Variants in FIP1L1 observed in about 807,000 individuals in gnomAD.
The protein encoded by FIP1L1 is factor interacting with PAPOLA and CPSF1, also known as pre-mRNA 3'-end-processing factor FIP1.
In FIP1L1, 21 loss-of-function variants were observed where a neutral mutation model predicts 84.6. The observed-to-expected ratio is 0.25, with a 90% CI of 0.18 to 0.36. FIP1L1 has a LOEUF of 0.36. FIP1L1 is among the 10% of genes least tolerant of loss of function. FIP1L1 has a pLI of 1.00. For synonymous variants in FIP1L1, 263 were observed against 242.3 expected, an observed-to-expected ratio of 1.09 and a Z score of -0.80; for missense variants, 526 against 751.1, an observed-to-expected ratio of 0.70 and a Z score of 3.50.
chr4:53,423,828 CAATTT>C (rs1763329388), intron 11 of FIP1L1, among the ~76,000 whole-genome samples: 2 of 152,130 alleles, frequency 1.3e-5, no homozygotes, highest in South Asian at 4.2e-4. Context: ...TAAAAACAAT[CAATTT>C]AAAGTTGAAA....
At chr4:53,458,858 T>A in intron 17 of FIP1L1, 68 bp downstream of exon 17, 6 of 1,527,636 alleles carry the variant, frequency 3.9e-6, no homozygotes, top group Non-Finnish European at 5.3e-6. Context: ...ATTGTCGCAT[T>A]GGAAGAGGGG....
chr4:53,394,519 A>G (rs914716060), intron 9 of FIP1L1, among the ~76,000 whole-genome samples: 4 of 152,148 alleles, frequency 2.6e-5, no homozygotes, highest in Admixed American at 2.6e-4. Flanking sequence ...TACTTGGCTG[A>G]TGCAAATGTT....
At chr4:53,416,901 T>A (rs986588954) in intron 11 of FIP1L1, among the ~76,000 whole-genome samples, 22 of 151,938 alleles carry the variant, frequency 1.4e-4, no homozygotes, top group African/African-American at 5.3e-4. Flanking sequence ...GAGGTGGAGG[T>A]TGCATGACCC....
rs139542760 is a variant in FIP1L1, at chr4:53,377,659, C to G, written c.-180C>G. On this transcript the variant is annotated 5_prime_UTR_variant, in exon 1 of 18. Coordinates refer to ENST00000337488, the MANE Select transcript of FIP1L1 (RefSeq NM_030917.4). Reference sequence around the variant, plus strand: ...GTCTCCTGCGCATGCGCAGACGGACCTGCGCTGGAGGCTTCATCTTTGCCG... The same window carrying G: ...GTCTCCTGCGCATGCGCAGACGGACGTGCGCTGGAGGCTTCATCTTTGCCG... 423 of 541,008 alleles carry G rather than the reference C, an allele frequency of 7.8e-4. 1 individual carries two copies. Among genetic ancestry groups the G allele is most frequent in the Admixed American group, 1.5e-3 (42 of 28,132 alleles). 33.5% of individuals were successfully genotyped at this position (541,008 alleles called of 1,614,324 possible).
chr4:53,427,893 C>G, intron 12 of FIP1L1, 134 bp from the exon 13 acceptor site: 2 of 695,182 alleles, frequency 2.9e-6, no homozygotes, highest in Non-Finnish European at 4.7e-6. Context: ...AACTATTACT[C>G]TCCCCCCAAA....
rs141173684 is a variant in FIP1L1, at chr4:53,453,046, G to A, written c.1412G>A (p.Arg471Gln). The change falls in exon 16 of 18, where the codon CGA becomes CAA. Residue 471 changes from arginine (R) to glutamine (Q), a missense_variant. Arg to Gln is a conservative substitution (Grantham distance 43, BLOSUM62 1). This residue lies in a region of FIP1L1 where 89 missense variants were observed against 169.0 expected (regional missense o/e 0.53). Coordinates refer to ENST00000337488, the MANE Select transcript of FIP1L1 (RefSeq NM_030917.4). ...RDRERDRDRE[R>Q]DRDRDRERER... ...AGAGAGAGAGACAGAGACAGAGAGCGAGACCGTGATCGGGACAGAGAAAGA... is the reference window on the plus strand; with the variant it reads ...AGAGAGAGAGACAGAGACAGAGAGCAAGACCGTGATCGGGACAGAGAAAGA... 4.0e-5 allele frequency: 64 copies of A among 1,612,828 alleles called. No individual in the cohort carries two copies. Among genetic ancestry groups the A allele is most frequent in the Non-Finnish European group, 5.3e-5 (63 of 1,178,942 alleles).
chr4:53,426,835 G>A (rs1335944517), intron 12 of FIP1L1, among the ~76,000 whole-genome samples: 1 of 152,034 alleles, frequency 6.6e-6, no homozygotes, highest in Non-Finnish European at 1.5e-5. Flanking sequence ...TTGTTTTTAG[G>A]TGAAAAATTG....
chr4:53,445,271 G>T (rs1579076003), intron 15 of FIP1L1, among the ~76,000 whole-genome samples: 2 of 152,266 alleles, frequency 1.3e-5, no homozygotes, highest in East Asian at 3.9e-4. Flanking sequence ...CGATGAGGAA[G>T]TTTTGAATTT....
At chr4:53,429,762 A>C (rs1192079140) in intron 13 of FIP1L1, among the ~76,000 whole-genome samples, 2 of 152,210 alleles carry the variant, frequency 1.3e-5, no homozygotes, top group Non-Finnish European at 2.9e-5. Flanking sequence ...TAGTAAATCA[A>C]GTTAATATAT....
At chr4:53,422,049 C>T (rs529119126) in intron 11 of FIP1L1, among the ~76,000 whole-genome samples, 1 of 152,164 alleles carries the variant, frequency 6.6e-6, no homozygotes, top group Non-Finnish European at 1.5e-5. Flanking sequence ...TTGTGCTTCA[C>T]TCAGCATTAA....
intron 13 of FIP1L1, among the ~76,000 whole-genome samples, chr4:53,430,588 C>T (rs573924221): frequency 2.6e-5 from 4 of 152,070 alleles, no homozygotes; most frequent in South Asian, 2.1e-4. Flanking sequence ...CTGCCCTCCT[C>T]GGCCTCCCAA....
chr4:53,442,202 G>A (rs1772245239), intron 13 of FIP1L1: 1 of 154,952 alleles, frequency 6.5e-6, no homozygotes, highest in Non-Finnish European at 1.4e-5. Flanking sequence ...TTACTGGTAA[G>A]ATTTTATTTA....
chr4:53,391,284 T>C (rs1744131950), intron 8 of FIP1L1, 145 bp downstream of exon 8: 1 of 1,192,910 alleles, frequency 8.4e-7, no homozygotes, highest in African/African-American at 1.5e-5. Context: ...GTTTTTCCCT[T>C]CCCTCCCTTT....
rs377693210 is a variant in FIP1L1 at position 53,426,017 on chromosome 4, A to G, written c.1017+52A>G. 77 of 1,251,624 alleles carry G rather than the reference A, an allele frequency of 6.2e-5. No individual in the cohort carries two copies. The East Asian group carries it at 1.9e-3, about 30-fold the overall frequency. The allele number at this position is 1,251,624 out of a possible 1,614,324, so 77.5% of individuals were successfully genotyped here. ...TCTTTAACTGAAGGATGATATCAAC[A>G]TTATAATTTAATTTATTCAATAGAT... On this transcript the variant is annotated intron_variant, in intron 12 of 17. Transcript: ENST00000337488.
intron 10 of FIP1L1, among the ~76,000 whole-genome samples, chr4:53,411,287 G>A (rs949294179): frequency 5.3e-5 from 8 of 152,086 alleles, no homozygotes; most frequent in Admixed American, 3.9e-4. Context: ...GGAAAAATTA[G>A]CAGGGCTATC....
intron 14 of FIP1L1, 60 bp downstream of exon 14, chr4:53,442,767 T>C: frequency 1.1e-6 from 1 of 913,256 alleles, no homozygotes; most frequent in Non-Finnish European, 1.7e-6. Flanking sequence ...AAGAACCATA[T>C]ACTTGGAAAT....
At chr4:53,427,164 A>T (rs1764665119) in intron 12 of FIP1L1, among the ~76,000 whole-genome samples, 1 of 152,326 alleles carries the variant, frequency 6.6e-6, no homozygotes, top group South Asian at 2.1e-4. Context: ...CCCTACAAAA[A>T]ACACTGCACT....
At chr4:53,436,286 C>G (rs1183718848) in intron 13 of FIP1L1, among the ~76,000 whole-genome samples, 1 of 152,172 alleles carries the variant, frequency 6.6e-6, no homozygotes, top group Non-Finnish European at 1.5e-5. Flanking sequence ...TAAGGTCTCT[C>G]TCAGACCTCA....
At chr4:53,416,797 C>G (rs1759700909) in intron 11 of FIP1L1, among the ~76,000 whole-genome samples, 1 of 151,998 alleles carries the variant, frequency 6.6e-6, no homozygotes, top group Non-Finnish European at 1.5e-5. Flanking sequence ...AACCCTGTCT[C>G]TACTAAAAAT....
Sources: gnomAD v4.1 joint callset for allele counts (sites outside exome capture counted in the v4.1 genomes callset) on GRCh38, gnomAD v4.1.1 for gene constraint, gnomAD v4.1.1 regional missense constraint, MANE v1.5 for transcripts, NCBI Gene and HGNC (gene_info 2026-07-23, HGNC 2026-07-21) for gene names.